EPB41L4A: variants seen among roughly 807,000 people sequenced by gnomAD.
EPB41L4A encodes the protein band 4.1-like protein 4A.
A neutral mutation model predicts 108.6 loss-of-function variants in EPB41L4A; 100 were observed. That is an observed-to-expected ratio of 0.92 (90% CI 0.78 to 1.09). EPB41L4A has a LOEUF of 1.09. Among genes scored for constraint, EPB41L4A ranks in the 50% least tolerant of loss-of-function variants. The pLI is 0.00. For synonymous variants in EPB41L4A, 319 were observed against 289.0 expected, an observed-to-expected ratio of 1.10 and a Z score of -1.05; for missense variants, 1,030 against 842.7, an observed-to-expected ratio of 1.22 and a Z score of -2.75.
chr5:112,264,761 TA>T (rs1751730812), intron 6 of EPB41L4A, 134 bp downstream of exon 6: 2 of 786,514 alleles, frequency 2.5e-6, no homozygotes, highest in Non-Finnish European at 3.7e-6. Flanking sequence ...TAAAATCAGT[TA>T]AACTATACAA....
chr5:112,149,346 C>A (rs777651711), intron 12 of EPB41L4A, among the ~76,000 whole-genome samples: 1 of 152,106 alleles, frequency 6.6e-6, no homozygotes, highest in Non-Finnish European at 1.5e-5. Context: ...GTGGCACGTG[C>A]CTGTATTCCC....
At chr5:112,289,205 A>C (rs10061888) in intron 2 of EPB41L4A, among the ~76,000 whole-genome samples, 41,680 of 151,990 alleles carry the variant, frequency 0.27, 7,411 homozygotes, top group African/African-American at 0.5. Context: ...GGGCCCAGAT[A>C]ATAAAGAGTC....
At chr5:112,227,828 T>C (rs542739201) in intron 12 of EPB41L4A, among the ~76,000 whole-genome samples, 2 of 152,372 alleles carry the variant, frequency 1.3e-5, no homozygotes, top group Admixed American at 6.5e-5. Context: ...TACTTCATTA[T>C]ATCGAATAAT....
Position 112,194,595 on chromosome 5 carries a change from T to C in EPB41L4A, c.1475A>G (p.Asn492Ser). Residue 492 changes from asparagine (N) to serine (S), a missense_variant, in exon 17 of 23, where the codon AAT becomes AGT. By Grantham distance (46) the Asn-to-Ser change is conservative. Transcript: ENST00000261486. ...TSSGSESENS[N>S]REYRKKRNRI... The stretch of plus-strand genomic sequence containing the variant: ...GTTTCTCTTTTTCCGGTATTCTCTA[T>C]TAGAATTTTCTGATTCACTACCACT... 1 of 1,604,650 alleles carries C rather than the reference T, an allele frequency of 6.2e-7. No homozygotes were observed. Among genetic ancestry groups the C allele is most frequent in the Non-Finnish European group, 8.5e-7 (1 of 1,174,462 alleles).
At chr5:112,332,719 C>G (rs902207045) in intron 1 of EPB41L4A, among the ~76,000 whole-genome samples, 3 of 152,182 alleles carry the variant, frequency 2.0e-5, no homozygotes, top group African/African-American at 7.2e-5. Flanking sequence ...AAGTTACCAA[C>G]AATACAGTTA....
At chr5:112,160,770 G>C (rs1445206160), downstream of EPB41L4A, 1 of 156,018 alleles carries the variant, frequency 6.4e-6, no homozygotes, top group Admixed American at 6.5e-5. Context: ...TCTCGCCATA[G>C]CGCAGCGGCC....
intron 1 of EPB41L4A, among the ~76,000 whole-genome samples, chr5:112,408,347 T>C (rs1032278259): frequency 4.0e-4 from 61 of 152,080 alleles, no homozygotes; most frequent in African/African-American, 1.4e-3. Flanking sequence ...GGAAAAAATA[T>C]AGATAAACTG....
intron 18 of EPB41L4A, among the ~76,000 whole-genome samples, chr5:112,174,262 A>T (rs1401034781): frequency 1.3e-5 from 2 of 152,228 alleles, no homozygotes; most frequent in African/African-American, 4.8e-5. Flanking sequence ...TCAATAATTT[A>T]GGATGAATTC....
chr5:112,161,109 T>G (rs1196996495), downstream of EPB41L4A: 1 of 169,280 alleles, frequency 5.9e-6, no homozygotes, highest in Non-Finnish European at 1.3e-5. Flanking sequence ...GATTTGTGTT[T>G]ACATCATCGA....
intron 15 of EPB41L4A, among the ~76,000 whole-genome samples, chr5:112,200,579 T>C (rs542727659): frequency 6.6e-6 from 1 of 152,288 alleles, no homozygotes; most frequent in East Asian, 1.9e-4. Flanking sequence ...AGCAGCACAC[T>C]GCATGGCATA....
chr5:112,343,465 C>A lies in EPB41L4A; in HGVS notation c.100-35975G>T, dbSNP rs115634705. ...GTACATCACAGGGCCACTGTGAGAA[C>A]TGACATAATGTATGTAAAGTACTTA... On this transcript the variant is annotated intron_variant, in intron 1 of 22. Coordinates refer to ENST00000261486, the MANE Select transcript of EPB41L4A (RefSeq NM_022140.5). Among the ~76,000 whole-genome samples, 81 of 152,206 alleles carry A rather than the reference C, an allele frequency of 5.3e-4. No homozygotes were observed. In the South Asian group the frequency reaches 7.5e-3, roughly 14 times the overall value.
chr5:112,378,567 A>G (rs1759967617), intron 1 of EPB41L4A, among the ~76,000 whole-genome samples: 1 of 152,204 alleles, frequency 6.6e-6, no homozygotes, highest in Non-Finnish European at 1.5e-5. Flanking sequence ...TGTAACACAG[A>G]GAAGACATCA....
At chr5:112,304,735 T>C (rs988860327) in intron 2 of EPB41L4A, among the ~76,000 whole-genome samples, 1 of 152,186 alleles carries the variant, frequency 6.6e-6, no homozygotes, top group Non-Finnish European at 1.5e-5. Context: ...GCCTTTTACA[T>C]GTTCAATGCC....
intron 18 of EPB41L4A, among the ~76,000 whole-genome samples, chr5:112,176,966 G>A (rs748383626): frequency 5.9e-5 from 9 of 151,832 alleles, no homozygotes; most frequent in Non-Finnish European, 1.2e-4. Flanking sequence ...CGTTGGCCAG[G>A]CTTGTCTTGA....
At chr5:112,187,583 A>G (rs1157434784) in intron 17 of EPB41L4A, among the ~76,000 whole-genome samples, 1 of 152,240 alleles carries the variant, frequency 6.6e-6, no homozygotes, top group Non-Finnish European at 1.5e-5. Context: ...ATCATTTGAT[A>G]ACAATGAAGA....
At chr5:112,320,303 G>A (rs1755691969) in intron 1 of EPB41L4A, among the ~76,000 whole-genome samples, 1 of 152,188 alleles carries the variant, frequency 6.6e-6, no homozygotes, top group Non-Finnish European at 1.5e-5. Flanking sequence ...CTCTATAGCA[G>A]TCATCTGCAT....
intron 1 of EPB41L4A, among the ~76,000 whole-genome samples, chr5:112,332,260 T>G (rs528709501): frequency 2.2e-4 from 33 of 152,360 alleles, no homozygotes; most frequent in South Asian, 1.0e-3. Context: ...ATCTTTCTTT[T>G]GTCCACTTTT....
At chr5:112,350,798 G>T (rs1181937758) in intron 1 of EPB41L4A, among the ~76,000 whole-genome samples, 2 of 152,116 alleles carry the variant, frequency 1.3e-5, no homozygotes, top group African/African-American at 4.8e-5. Flanking sequence ...CAATTGACAG[G>T]ATTTCATTCT....
chr5:112,208,141 G>A (rs1474634282), intron 13 of EPB41L4A, among the ~76,000 whole-genome samples: 1 of 150,882 alleles, frequency 6.6e-6, no homozygotes, highest in African/African-American at 2.4e-5. Context: ...AGCTACTTGG[G>A]AGGCTGAGGC....
Sources: gnomAD v4.1 joint callset for allele counts (sites outside exome capture counted in the v4.1 genomes callset) on GRCh38, gnomAD v4.1.1 for gene constraint, MANE v1.5 for transcripts, NCBI Gene and HGNC (gene_info 2026-07-23, HGNC 2026-07-21) for gene names.